PTPRN2: variants seen among roughly 807,000 people sequenced by gnomAD.
PTPRN2 encodes the protein protein tyrosine phosphatase receptor type N2.
PTPRN2 carries 74 observed loss-of-function variants against 118.8 expected under a neutral mutation model. The ratio of observed to expected loss-of-function variants is 0.62; its 90% confidence interval spans 0.52 to 0.76. The LOEUF is 0.76. Ranked by LOEUF, PTPRN2 falls within the 30% of genes least tolerant of loss-of-function variation. The probability of loss-of-function intolerance (pLI) is 0.00; values close to 1 mark genes in which losing one functional copy is unlikely to be tolerated. For synonymous variants in PTPRN2, 641 were observed against 608.0 expected (o/e 1.05, Z -0.80); for missense variants, 1,481 against 1,394.4 (o/e 1.06, Z -0.99).
chr7:158,410,686 G>C (rs1276569635), intron 2 of PTPRN2, among the ~76,000 whole-genome samples: 1 of 152,250 alleles, frequency 6.6e-6, no homozygotes, highest in Non-Finnish European at 1.5e-5. Context: ...TAACTACGTG[G>C]AAACAGGGTC....
At chr7:158,583,967 A>T (rs1279739247) in intron 1 of PTPRN2, among the ~76,000 whole-genome samples, 2 of 152,184 alleles carry the variant, frequency 1.3e-5, no homozygotes, top group Non-Finnish European at 2.9e-5. Flanking sequence ...CAATCACGCC[A>T]TCTCCTTCAC....
chr7:158,516,089 G>A (rs1165974697), intron 1 of PTPRN2, among the ~76,000 whole-genome samples: 4 of 152,146 alleles, frequency 2.6e-5, no homozygotes, highest in Admixed American at 1.3e-4. Flanking sequence ...CGCCCCGGCC[G>A]CCTGGCCATC....
chr7:158,163,880 T>C (rs571350845), intron 6 of PTPRN2, among the ~76,000 whole-genome samples: 130 of 152,272 alleles, frequency 8.5e-4, no homozygotes, highest in Non-Finnish European at 1.5e-3. Flanking sequence ...GCATATTTCA[T>C]AGGTGATCAG....
Position 158,546,519 on chromosome 7 carries a change from T to C in PTPRN2, c.112+41039A>G, listed in dbSNP as rs995615106. Reference sequence around the variant, plus strand: ...TGATGTCTAAGTGACTATAGGGCCATGAAGAAGGGGCCTCCTGATAATCCC... The same window carrying C: ...TGATGTCTAAGTGACTATAGGGCCACGAAGAAGGGGCCTCCTGATAATCCC... On this transcript the variant is annotated intron_variant, in intron 1 of 22. Coordinates refer to ENST00000389418, the MANE Select transcript of PTPRN2 (RefSeq NM_002847.5). The surrounding 1 kb of genome is among the most constrained non-coding windows in gnomAD (Gnocchi z 5.0). Among the ~76,000 whole-genome samples, 2 of 152,136 alleles carry C rather than the reference T, an allele frequency of 1.3e-5. No individual in the cohort carries two copies. Among genetic ancestry groups the C allele is most frequent in the Non-Finnish European group, 2.9e-5 (2 of 68,020 alleles).
At chr7:158,307,355 A>T (rs1311670460) in intron 3 of PTPRN2, among the ~76,000 whole-genome samples, 2 of 152,232 alleles carry the variant, frequency 1.3e-5, no homozygotes, top group Non-Finnish European at 2.9e-5. Context: ...AGAAAGAATC[A>T]GCAAACTTCA....
At chr7:158,060,174 C>G (rs34423123) in intron 11 of PTPRN2, among the ~76,000 whole-genome samples, 4 of 90,606 alleles carry the variant, frequency 4.4e-5, no homozygotes, top group African/African-American at 1.1e-4. Context: ...CACATGGTGA[C>G]ACATCACTGC....
At chr7:157,705,276 A>G (rs1049592465) in intron 12 of PTPRN2, among the ~76,000 whole-genome samples, 1 of 152,256 alleles carries the variant, frequency 6.6e-6, no homozygotes, top group Admixed American at 6.5e-5. Context: ...ACTGCACTCC[A>G]GCCTGGGTGA....
In PTPRN2 at chr7:158,171,344, T is replaced by C. The variant is rs1411450654; in HGVS notation, c.550-4053A>G. Among the ~76,000 whole-genome samples, 482 of 122,272 alleles carry C rather than the reference T, an allele frequency of 3.9e-3. 15 individuals are homozygous for C. Among genetic ancestry groups the C allele is most frequent in the African/African-American group, 0.016 (429 of 27,380 alleles). 80.2% of individuals were successfully genotyped at this position (122,272 alleles called of 152,430 possible). A position where few individuals can be genotyped will look rare whatever the true frequency, so the allele number is the denominator to read the frequency against. On this transcript the variant is annotated intron_variant, in intron 5 of 22. Transcript: ENST00000389418. ...ATATATATATATATATATATATATA[T>C]ATATACACACACACATTTTTTTAAG...
Position 157,598,639 on chromosome 7 carries a change from T to C in PTPRN2, c.2419-3324A>G, listed in dbSNP as rs1801489830. On this transcript the variant is annotated intron_variant, in intron 16 of 22. Coordinates refer to ENST00000389418, the MANE Select transcript of PTPRN2 (RefSeq NM_002847.5). The surrounding 1 kb of genome is among the most constrained non-coding windows in gnomAD (Gnocchi z 5.2). ...GCAGACTCGTCTGTGTGTATGTGTGTGTCCTGGTGTTGGTCATCCCGAAAC... is the reference window on the plus strand; with the variant it reads ...GCAGACTCGTCTGTGTGTATGTGTGCGTCCTGGTGTTGGTCATCCCGAAAC... 6.6e-6 allele frequency among the ~76,000 whole-genome samples: 1 copy of C among 152,246 alleles called. No individual in the cohort carries two copies. The highest frequency in any genetic ancestry group is 6.5e-5 in the Admixed American group (1 of 15,286).
chr7:158,542,732 G>A (rs1398840625), intron 1 of PTPRN2, among the ~76,000 whole-genome samples: 1 of 152,186 alleles, frequency 6.6e-6, no homozygotes, highest in African/African-American at 2.4e-5. Context: ...TACTCACAAG[G>A]GAAGTTTTCT....
At chr7:157,756,865 CATT>C (rs1585390926) in intron 12 of PTPRN2, among the ~76,000 whole-genome samples, 1 of 151,506 alleles carries the variant, frequency 6.6e-6, no homozygotes, top group Non-Finnish European at 1.5e-5. Context: ...CTTTCCATGT[CATT>C]ATTCCTCAGC....
chr7:157,744,633 G>C (rs1358337250), intron 12 of PTPRN2, among the ~76,000 whole-genome samples: 1 of 152,218 alleles, frequency 6.6e-6, no homozygotes, highest in Admixed American at 6.5e-5. Context: ...TTAGAAAGTA[G>C]TAAGAGTCTG....
intron 3 of PTPRN2, among the ~76,000 whole-genome samples, chr7:158,270,643 G>A (rs948272640): frequency 3.3e-5 from 5 of 152,050 alleles, no homozygotes; most frequent in African/African-American, 1.2e-4. Context: ...GTTAGCTGCA[G>A]AAGGGCCAAC....
chr7:157,788,433 C>CT (rs1398347190), intron 12 of PTPRN2, among the ~76,000 whole-genome samples: 1 of 151,716 alleles, frequency 6.6e-6, no homozygotes. Flanking sequence ...CAAGACACTG[C>CT]TGTCTGGAGA....
At chr7:157,796,733 G>C (rs1319627139) in intron 12 of PTPRN2, among the ~76,000 whole-genome samples, 1 of 152,192 alleles carries the variant, frequency 6.6e-6, no homozygotes, top group Non-Finnish European at 1.5e-5. Flanking sequence ...GGTGGAAGGC[G>C]AAAGGGAAGC....
chr7:158,080,590 A>C (rs1249257470), intron 11 of PTPRN2, among the ~76,000 whole-genome samples: 1 of 151,778 alleles, frequency 6.6e-6, no homozygotes, highest in Non-Finnish European at 1.5e-5. Context: ...AAAAAAAAAA[A>C]AAAAGGCAGG....
At chr7:158,131,483 C>A (rs140298536) in intron 9 of PTPRN2, among the ~76,000 whole-genome samples, 3 of 146,222 alleles carry the variant, frequency 2.1e-5, no homozygotes, top group Admixed American at 6.8e-5. Context: ...CATACACACA[C>A]ACTTATACAC....
intron 14 of PTPRN2, among the ~76,000 whole-genome samples, chr7:157,653,306 C>T (rs544375437): frequency 3.3e-5 from 5 of 152,212 alleles, no homozygotes; most frequent in Non-Finnish European, 7.3e-5. Context: ...TCTGACCATC[C>T]TGCCATCCTC....
intron 12 of PTPRN2, among the ~76,000 whole-genome samples, chr7:157,715,073 T>C (rs35487364): frequency 0.48 from 73,640 of 152,172 alleles, 18,724 homozygotes; most frequent in African/African-American, 0.63. Context: ...CCCGACGCGC[T>C]TGTCCTGCTT....
Sources: gnomAD v4.1 joint callset for allele counts (sites outside exome capture counted in the v4.1 genomes callset) on GRCh38, gnomAD v4.1.1 for gene constraint, Gnocchi (gnomAD v3.1) non-coding constraint, MANE v1.5 for transcripts, NCBI Gene and HGNC (gene_info 2026-07-23, HGNC 2026-07-21) for gene names.